The following CFAP47 variants were observed in gnomAD, a reference collection of about 807,000 sequenced individuals.
CFAP47 encodes the protein cilia- and flagella-associated protein 47.
Under a neutral mutation model 148.1 loss-of-function variants are expected in CFAP47, and 29 were observed. The ratio of observed to expected loss-of-function variants is 0.20; its 90% confidence interval spans 0.15 to 0.27. The LOEUF is 0.27. Ranked by LOEUF, CFAP47 falls within the 10% of genes least tolerant of loss-of-function variation. The pLI is 1.00. For missense variants in CFAP47, 1,872 were observed against 1,697.5 expected, an observed-to-expected ratio of 1.10 and a Z score of -1.81; for synonymous variants, 664 against 577.3, an observed-to-expected ratio of 1.15 and a Z score of -2.15.
At chrX:36,371,914 GTA>G (rs1437658104) in intron 62 of CFAP47, among the ~76,000 whole-genome samples, 2 of 68,597 alleles carry the variant, frequency 2.9e-5, no homozygotes, top group Non-Finnish European at 4.7e-5. Context: ...ATATATGTGT[GTA>G]TATATGTGTA....
At chrX:36,043,565 A>C (rs1488575491) in intron 25 of CFAP47, among the ~76,000 whole-genome samples, 1 of 113,225 alleles carries the variant, frequency 8.8e-6, no homozygotes, top group East Asian at 2.8e-4. Context: ...CAAATCTTAA[A>C]GCTCCAAAAT....
intron 62 of CFAP47, among the ~76,000 whole-genome samples, chrX:36,370,727 G>A (rs1356441484): frequency 1.8e-4 from 20 of 110,677 alleles, no homozygotes; most frequent in South Asian, 3.8e-4. Context: ...CTGGAGGGGC[G>A]TATATGAAAA....
At chrX:36,120,915 G>C in intron 33 of CFAP47, among the ~76,000 whole-genome samples, 1 of 111,374 alleles carries the variant, frequency 9.0e-6, no homozygotes, top group South Asian at 3.7e-4. Context: ...ATGTTTCTTT[G>C]TTGATTTTCT....
In CFAP47 at chrX:36,351,635, A is replaced by G. The variant is rs782228423; in HGVS notation, c.8698+1503A>G. ...AAGACAGTTAAACATCGTCTAGAGC[A>G]TTTTTGTTTGAGTCATTTTTCTTGG... On this transcript the variant is annotated intron_variant, in intron 59 of 63. Coordinates refer to ENST00000378653, the MANE Select transcript of CFAP47 (RefSeq NM_001304548.2). Among the ~76,000 whole-genome samples, 262 of 112,084 alleles carry G rather than the reference A, an allele frequency of 2.3e-3. 1 individual carries two copies. Among genetic ancestry groups the G allele is most frequent in the African/African-American group, 8.1e-3 (252 of 31,011 alleles).
chrX:36,029,335 G>C (rs1937255995), intron 22 of CFAP47, among the ~76,000 whole-genome samples: 1 of 110,861 alleles, frequency 9.0e-6, no homozygotes, highest in African/African-American at 3.3e-5. Flanking sequence ...CTGAGAACCA[G>C]CTTTTCTTTT....
In CFAP47 at chrX:36,184,298, AAGG is replaced by A. The variant is rs1301462551; in HGVS notation, c.6105-4316_6105-4314del. Reference sequence around the variant, plus strand: ...AGATCTTGATGGCCAGAATCTAGAGAAGGAGGAGAACTTTCTTATGAGCATAGG... The same window carrying A: ...AGATCTTGATGGCCAGAATCTAGAGAAGGAGAACTTTCTTATGAGCATAGG... On this transcript the variant is annotated intron_variant, in intron 40 of 63. Transcript: ENST00000378653. Among the ~76,000 whole-genome samples the A allele has an allele frequency of 2.7e-5, 3 of 111,573 alleles. No homozygotes were observed. In the East Asian group the frequency reaches 8.5e-4, roughly 32 times the overall value.
rs142637776 is a variant in CFAP47 at position 36,241,698 on chromosome X, G to T, written c.7332+4839G>T. Among the ~76,000 whole-genome samples, 735 of 111,666 alleles carry T rather than the reference G, an allele frequency of 6.6e-3. 5 individuals are homozygous for T. Among genetic ancestry groups the T allele is most frequent in the African/African-American group, 0.017 (533 of 30,712 alleles). ...TGGCCAGCACTCAAGTTGAAGAGGAGCCCCCAGTCTTAGAGCACTGAGAAC... is the reference window on the plus strand; with the variant it reads ...TGGCCAGCACTCAAGTTGAAGAGGATCCCCCAGTCTTAGAGCACTGAGAAC... On this transcript the variant is annotated intron_variant, in intron 48 of 63. Coordinates refer to ENST00000378653, the MANE Select transcript of CFAP47 (RefSeq NM_001304548.2).
At chrX:36,295,410 T>C (rs1051622878) in intron 51 of CFAP47, among the ~76,000 whole-genome samples, 15 of 112,393 alleles carry the variant, frequency 1.3e-4, no homozygotes, top group African/African-American at 4.2e-4. Flanking sequence ...AAGAGTTCTT[T>C]ATAAAATAAA....
At chrX:36,034,139 C>T (rs1387325705) in intron 23 of CFAP47, among the ~76,000 whole-genome samples, 3 of 111,339 alleles carry the variant, frequency 2.7e-5, no homozygotes, top group East Asian at 2.8e-4. Context: ...GTGACAGGCT[C>T]GCAATCTTGC....
intron 22 of CFAP47, among the ~76,000 whole-genome samples, chrX:36,025,534 A>T (rs1937206366): frequency 9.0e-6 from 1 of 111,268 alleles, no homozygotes. Flanking sequence ...CCAGCTACTC[A>T]GGAGGCTGGG....
chrX:35,929,827 C>T (rs770150301), intron 2 of CFAP47, among the ~76,000 whole-genome samples: 55 of 109,951 alleles, frequency 5.0e-4, no homozygotes, highest in African/African-American at 1.7e-3. Context: ...GGAGAAACCT[C>T]GTCTCTACTA....
intron 51 of CFAP47, among the ~76,000 whole-genome samples, chrX:36,288,850 T>C (rs1556005078): frequency 9.0e-6 from 1 of 111,347 alleles, no homozygotes; most frequent in African/African-American, 3.3e-5. Flanking sequence ...CTGGGCAACA[T>C]AGTGAGACTT....
At chrX:36,253,850 T>C in intron 49 of CFAP47, among the ~76,000 whole-genome samples, 1 of 111,668 alleles carries the variant, frequency 9.0e-6, no homozygotes, top group South Asian at 3.7e-4. Flanking sequence ...CCCAGAACTC[T>C]TGGAACCTCC....
At chrX:36,099,288 A>G (rs756458328) in intron 31 of CFAP47, among the ~76,000 whole-genome samples, 1 of 111,012 alleles carries the variant, frequency 9.0e-6, no homozygotes, top group Non-Finnish European at 1.9e-5. Context: ...GTCATAATAT[A>G]TAGTTTACTT....
Position 36,160,754 on chromosome X carries a change from C to T in CFAP47, c.6011C>T (p.Thr2004Met), listed in dbSNP as rs187452817. The T allele has an allele frequency of 1.3e-4, 38 of 292,823 alleles. No homozygotes were observed. Among genetic ancestry groups the T allele is most frequent in the African/African-American group, 3.1e-4 (11 of 36,032 alleles). The allele number at this position is 292,823 out of a possible 1,213,427, so 24.1% of individuals were successfully genotyped here. A position where few individuals can be genotyped will look rare whatever the true frequency, so the allele number is the denominator to read the frequency against. The change falls in exon 39 of 64, where the codon ACG (threonine) becomes ATG (methionine). Residue 2004 changes from threonine (T) to methionine (M), a missense_variant. Transcript: ENST00000378653. ...VTVNVKNPFH[T>M]AGDFSVILVE... is the part of the protein sequence containing the mutation. ...GTAAATGTGAAAAACCCCTTCCATACGGCTGGGGACTTCAGGTAAGTTATT... is the reference window on the plus strand; with the variant it reads ...GTAAATGTGAAAAACCCCTTCCATATGGCTGGGGACTTCAGGTAAGTTATT...
rs1458679016 is a variant in CFAP47, at chrX:36,099,780, C to T, written c.5028C>T (p.Ser1676=). Residue 1676 remains serine (S), a synonymous_variant, in exon 32 of 64, where the codon TCC becomes TCT. Coordinates refer to ENST00000378653, the MANE Select transcript of CFAP47 (RefSeq NM_001304548.2). ...MSSTNTMPVS[S]CTPKKKCSIV... is the part of the protein sequence containing the mutation. ...CCACTAATACGATGCCTGTGAGTTC[C>T]TGTACACCTAAGAAAAAATGTTCTA... The T allele has an allele frequency of 3.5e-6, 3 of 866,911 alleles. No individual in the cohort carries two copies. Among genetic ancestry groups the T allele is most frequent in the Non-Finnish European group, 5.1e-6 (3 of 586,532 alleles). 71.4% of individuals were successfully genotyped at this position (866,911 alleles called of 1,213,427 possible). A position where few individuals can be genotyped will look rare whatever the true frequency, so the allele number is the denominator to read the frequency against.
intron 2 of CFAP47, among the ~76,000 whole-genome samples, chrX:35,939,916 G>A (rs1184089104): frequency 1.3e-4 from 13 of 101,479 alleles, no homozygotes; most frequent in Middle Eastern, 5.2e-3. Context: ...CACCAACAGT[G>A]TAAAAGTGTT....
chrX:36,183,506 A>G (rs1057447745), intron 40 of CFAP47, among the ~76,000 whole-genome samples: 2 of 111,738 alleles, frequency 1.8e-5, no homozygotes, highest in African/African-American at 3.3e-5. Flanking sequence ...TCAGATTCAC[A>G]TCAGCTAATA....
intron 8 of CFAP47, among the ~76,000 whole-genome samples, chrX:35,958,429 G>C (rs1936276979): frequency 9.0e-6 from 1 of 111,244 alleles, no homozygotes. Flanking sequence ...AAAACTCTAT[G>C]TTTAACTTTT....
Sources: gnomAD v4.1 joint callset for allele counts (sites outside exome capture counted in the v4.1 genomes callset) on GRCh38, gnomAD v4.1.1 for gene constraint, MANE v1.5 for transcripts, NCBI Gene and HGNC (gene_info 2026-07-23, HGNC 2026-07-21) for gene names.